Variants in SYNRG observed in about 807,000 individuals in gnomAD.
SYNRG encodes AP1 gamma subunit binding protein 1.
SYNRG carries 37 observed loss-of-function variants against 130.9 expected under a neutral mutation model. The observed-to-expected ratio is 0.28, with a 90% CI of 0.22 to 0.37. SYNRG has a LOEUF of 0.37. SYNRG is among the 10% of genes least tolerant of loss of function. SYNRG has a pLI of 1.00. For synonymous variants in SYNRG, 539 were observed against 568.1 expected (o/e 0.95, Z 0.73); for missense variants, 1,338 against 1,588.9 (o/e 0.84, Z 2.68).
chr17:37,539,862 G>C (rs1183901158), intron 16 of SYNRG, among the ~76,000 whole-genome samples: 1 of 152,216 alleles, frequency 6.6e-6, no homozygotes, highest in African/African-American at 2.4e-5. Flanking sequence ...ATCTGGTACA[G>C]AAACTGCTAT....
intron 7 of SYNRG, among the ~76,000 whole-genome samples, chr17:37,577,130 A>G (rs956040329): frequency 6.6e-6 from 1 of 152,244 alleles, no homozygotes; most frequent in Non-Finnish European, 1.5e-5. Context: ...GAAAATTTTA[A>G]ATCAGAAATG....
chr17:37,519,988 G>A (rs928409955), intron 21 of SYNRG, among the ~76,000 whole-genome samples, 191 bp downstream of exon 21: 1 of 152,146 alleles, frequency 6.6e-6, no homozygotes, highest in African/African-American at 2.4e-5. Flanking sequence ...AAACAAGCAT[G>A]CAAATAAGAC....
intron 18 of SYNRG, chr17:37,536,453 T>C (rs1032292569): frequency 5.1e-5 from 16 of 312,578 alleles, no homozygotes; most frequent in Admixed American, 3.0e-4. Context: ...CCAAGGATGG[T>C]TGAGAGGATT....
rs992615911 is a variant in SYNRG, at chr17:37,536,247, G to A, written c.3518-120C>T. On this transcript the variant is annotated intron_variant, in intron 18 of 21. Coordinates refer to ENST00000612223, the MANE Select transcript of SYNRG (RefSeq NM_007247.6). ...ACAATGGGTGTATCTGGACAGAGGT[G>A]TACTTACTATTCTTTGGGACCAATC... The A allele has an allele frequency of 1.0e-5, 12 of 1,203,280 alleles. 1 individual carries two copies. The highest frequency in any genetic ancestry group is 2.8e-4 in the Middle Eastern group (1 of 3,546). The allele number at this position is 1,203,280 out of a possible 1,614,324, so 74.5% of individuals were successfully genotyped here.
chr17:37,588,983 A>G (rs924007136), intron 3 of SYNRG, among the ~76,000 whole-genome samples: 15 of 152,238 alleles, frequency 9.9e-5, no homozygotes, highest in Non-Finnish European at 2.2e-4. Flanking sequence ...AACTTTTAAC[A>G]GACTTTTGAA....
chr17:37,534,632 GTATT>G (rs1305739341), intron 19 of SYNRG, among the ~76,000 whole-genome samples: 2 of 151,870 alleles, frequency 1.3e-5, no homozygotes, highest in Non-Finnish European at 2.9e-5. Flanking sequence ...TGCCAGAACA[GTATT>G]TTTTTTTTTA....
intron 11 of SYNRG, among the ~76,000 whole-genome samples, chr17:37,566,032 G>A (rs1189503340): frequency 4.8e-5 from 7 of 146,678 alleles, no homozygotes; most frequent in South Asian, 4.3e-4. Flanking sequence ...CCCCCCGCCC[G>A]GCCAGCCGTC....
chr17:37,535,526 A>G (rs1462712308), intron 19 of SYNRG, among the ~76,000 whole-genome samples: 1 of 152,232 alleles, frequency 6.6e-6, no homozygotes, highest in Non-Finnish European at 1.5e-5. Flanking sequence ...TGATTTGTCT[A>G]TTCAGAGAAC....
intron 11 of SYNRG, among the ~76,000 whole-genome samples, chr17:37,563,101 A>G (rs1034682899): frequency 2.0e-5 from 3 of 152,230 alleles, no homozygotes; most frequent in African/African-American, 7.2e-5. Context: ...AATTTTATGC[A>G]TACTGCAAAT....
intron 14 of SYNRG, among the ~76,000 whole-genome samples, chr17:37,548,905 C>T (rs1264743457): frequency 2.0e-5 from 3 of 150,782 alleles, no homozygotes; most frequent in Non-Finnish European, 2.9e-5. Context: ...GAGGCCAAGG[C>T]GGGCGGATTA....
intron 11 of SYNRG, among the ~76,000 whole-genome samples, chr17:37,562,866 T>C (rs1216632080): frequency 1.3e-5 from 2 of 152,194 alleles, no homozygotes; most frequent in Non-Finnish European, 1.5e-5. Flanking sequence ...CAAAGTTGAA[T>C]GATTTCTTTA....
intron 16 of SYNRG, among the ~76,000 whole-genome samples, chr17:37,540,087 A>G (rs944124470): frequency 6.6e-6 from 1 of 152,222 alleles, no homozygotes; most frequent in Non-Finnish European, 1.5e-5. Context: ...CATGAAGACA[A>G]TAAAGTCTAA....
chr17:37,523,905 A>G (rs2055480424), intron 19 of SYNRG, among the ~76,000 whole-genome samples: 1 of 152,226 alleles, frequency 6.6e-6, no homozygotes, highest in Non-Finnish European at 1.5e-5. Context: ...AACACAGTAA[A>G]AGAGACAACA....
chr17:37,577,594 C>T lies in SYNRG; in HGVS notation c.609G>A (p.Lys203=), dbSNP rs768119791. The change falls in exon 7 of 22, where the codon AAG becomes AAA. Residue 203 remains lysine, a synonymous_variant. Transcript: ENST00000612223. ...PKKPGPSLEE[K]FLVSCDISTS... Reference sequence around the variant, plus strand: ...TACTTATATCACAAGATACTAGGAACTTCTCCTCCAAGGAAGGGCCTAAAC... The same window carrying T: ...TACTTATATCACAAGATACTAGGAATTTCTCCTCCAAGGAAGGGCCTAAAC... 6.2e-7 allele frequency: 1 copy of T among 1,613,776 alleles called. No individual in the cohort carries two copies. The highest frequency in any genetic ancestry group is 8.5e-7 in the Non-Finnish European group (1 of 1,179,938).
chr17:37,569,121 TA>T (rs2060218353), intron 10 of SYNRG, among the ~76,000 whole-genome samples, 197 bp from the exon 11 acceptor site: 1 of 152,260 alleles, frequency 6.6e-6, no homozygotes, highest in Non-Finnish European at 1.5e-5. Flanking sequence ...TTTAAATAGC[TA>T]ATTTAGGCTG....
At chr17:37,539,656 C>T (rs909491781) in intron 16 of SYNRG, among the ~76,000 whole-genome samples, 1 of 152,206 alleles carries the variant, frequency 6.6e-6, no homozygotes, top group Non-Finnish European at 1.5e-5. Flanking sequence ...CAGGCATGAG[C>T]CACCATGCCC....
chr17:37,574,794 A>G (rs2146123123), intron 8 of SYNRG, among the ~76,000 whole-genome samples: 1 of 152,206 alleles, frequency 6.6e-6, no homozygotes, highest in East Asian at 1.9e-4. Context: ...ACCCAAGTAC[A>G]CTGTTGGTAG....
intron 3 of SYNRG, among the ~76,000 whole-genome samples, chr17:37,591,263 A>G (rs539636049): frequency 1.2e-3 from 189 of 152,356 alleles, no homozygotes; most frequent in African/African-American, 4.4e-3. Flanking sequence ...AAATCTAACC[A>G]AACATGGATG....
chr17:37,605,449 C>CGTAG (rs2063669434), intron 1 of SYNRG, among the ~76,000 whole-genome samples: 1 of 152,056 alleles, frequency 6.6e-6, no homozygotes, highest in African/African-American at 2.4e-5. Context: ...CAAATGAGGA[C>CGTAG]GTAGAATCAA....
Sources: gnomAD v4.1 joint callset for allele counts (sites outside exome capture counted in the v4.1 genomes callset) on GRCh38, gnomAD v4.1.1 for gene constraint, MANE v1.5 for transcripts, NCBI Gene and HGNC (gene_info 2026-07-23, HGNC 2026-07-21) for gene names.